Variants in ELP3 observed in about 807,000 individuals in gnomAD.
ELP3 encodes the protein elongator acetyltransferase complex subunit 3.
ELP3 carries 56 observed loss-of-function variants against 74.9 expected under a neutral mutation model. That is an observed-to-expected ratio of 0.75 (90% CI 0.60 to 0.93). The LOEUF is 0.93. Among genes scored for constraint, ELP3 ranks in the 40% least tolerant of loss-of-function variants. ELP3 has a pLI of 0.00. For synonymous variants in ELP3, 222 were observed against 239.8 expected, an observed-to-expected ratio of 0.93 and a Z score of 0.68; for missense variants, 573 against 686.5, an observed-to-expected ratio of 0.83 and a Z score of 1.85.
At chr8:28,183,645 G>T (rs111540692) in intron 14 of ELP3, among the ~76,000 whole-genome samples, 10,922 of 152,096 alleles carry the variant, frequency 0.072, 782 homozygotes, top group East Asian at 0.32. Flanking sequence ...GGCTGGTCTC[G>T]AACTCCTGAG....
chr8:28,132,674 A>G (rs993790017), intron 9 of ELP3, among the ~76,000 whole-genome samples: 2 of 152,228 alleles, frequency 1.3e-5, no homozygotes, highest in African/African-American at 4.8e-5. Flanking sequence ...ACAGACATAC[A>G]AATATATATG....
intron 1 of ELP3, chr8:28,093,522 G>T: frequency 2.0e-6 from 1 of 501,478 alleles, no homozygotes; most frequent in Middle Eastern, 5.4e-4. Flanking sequence ...AGTTAACGTC[G>T]ATTTAACGGG....
chr8:28,139,586 C>A (rs1813141940), intron 10 of ELP3, among the ~76,000 whole-genome samples: 1 of 151,826 alleles, frequency 6.6e-6, no homozygotes, highest in South Asian at 2.1e-4. Context: ...TTTTTCTTGT[C>A]ATTACTCCCT....
intron 10 of ELP3, among the ~76,000 whole-genome samples, chr8:28,138,437 TTA>T (rs1813083227): frequency 6.6e-6 from 1 of 152,218 alleles, no homozygotes. Flanking sequence ...ATCTACCTAT[TTA>T]TACTTACATA....
intron 3 of ELP3, among the ~76,000 whole-genome samples, chr8:28,102,540 A>G (rs1323924307): frequency 6.6e-6 from 1 of 152,120 alleles, no homozygotes; most frequent in East Asian, 1.9e-4. Context: ...GCCATTCCCT[A>G]TCTACTGCCA....
chr8:28,183,505 C>A (rs1815103343), intron 14 of ELP3, among the ~76,000 whole-genome samples: 1 of 152,140 alleles, frequency 6.6e-6, no homozygotes, highest in Non-Finnish European at 1.5e-5. Flanking sequence ...CTCACTGCAA[C>A]CTCTGCCTCC....
intron 3 of ELP3, among the ~76,000 whole-genome samples, chr8:28,101,810 G>A (rs762687228): frequency 1.4e-4 from 21 of 152,042 alleles, no homozygotes; most frequent in Non-Finnish European, 2.4e-4. Flanking sequence ...GGCTGGTCTC[G>A]AACTCTTGAC....
chr8:28,160,381 C>T lies in ELP3; in HGVS notation c.1410C>T (p.Ser470=). 1 of 1,614,122 alleles carries T rather than the reference C, an allele frequency of 6.2e-7. No homozygotes were observed. Among genetic ancestry groups the T allele is most frequent in the Non-Finnish European group, 8.5e-7 (1 of 1,180,016 alleles). Residue 470 remains serine (S), a synonymous_variant, in exon 13 of 15, where the codon TCC becomes TCT. Coordinates refer to ENST00000256398, the MANE Select transcript of ELP3 (RefSeq NM_018091.6). ...TFRFELGGGV[S]IVRELHVYGS... is the part of the protein sequence containing the mutation. Reference sequence around the variant, plus strand: ...GTTTCGAATTGGGTGGAGGTGTCTCCATAGTACGAGAGCTGCATGTGTATG... The same window carrying T: ...GTTTCGAATTGGGTGGAGGTGTCTCTATAGTACGAGAGCTGCATGTGTATG...
At chr8:28,152,732 G>A (rs1813689713) in intron 10 of ELP3, among the ~76,000 whole-genome samples, 1 of 152,184 alleles carries the variant, frequency 6.6e-6, no homozygotes, top group Non-Finnish European at 1.5e-5. Flanking sequence ...CTTGAACCTG[G>A]GAGGCGAAGG....
intron 10 of ELP3, among the ~76,000 whole-genome samples, chr8:28,153,742 C>T (rs536094598): frequency 7.9e-5 from 12 of 152,292 alleles, no homozygotes; most frequent in African/African-American, 2.4e-4. Context: ...ACAAAGGAGA[C>T]TCTTAAAAAC....
intron 10 of ELP3, among the ~76,000 whole-genome samples, chr8:28,145,546 G>A (rs1813398837): frequency 6.6e-6 from 1 of 152,174 alleles, no homozygotes; most frequent in Non-Finnish European, 1.5e-5. Flanking sequence ...TCACCTAGTG[G>A]CAGCTTCCAC....
At chr8:28,132,178 C>G in intron 8 of ELP3, 100 bp from the exon 9 acceptor site, 1 of 1,282,252 alleles carries the variant, frequency 7.8e-7, no homozygotes, top group East Asian at 2.4e-5. Flanking sequence ...AGATTGTTTT[C>G]CCCTTGTTCC....
At chr8:28,162,954 G>A (rs1008030282) in intron 14 of ELP3, among the ~76,000 whole-genome samples, 7 of 152,194 alleles carry the variant, frequency 4.6e-5, no homozygotes, top group Non-Finnish European at 8.8e-5. Flanking sequence ...GAAGGAAGGG[G>A]AAGGTCTAAG....
Position 28,137,840 on chromosome 8 carries a change from C to A in ELP3, c.1049C>A (p.Ala350Asp). Reference sequence around the variant, plus strand: ...CCTAGTGACCTGGTTGAATTGGTGGCTCGGATCCTAGCCCTCGTGCCTCCA... The same window carrying A: ...CCTAGTGACCTGGTTGAATTGGTGGATCGGATCCTAGCCCTCGTGCCTCCA... Reference protein sequence around the residue: ...YSPSDLVELVARILALVPPWT... With the variant: ...YSPSDLVELVDRILALVPPWT... Residue 350 changes from alanine (A) to aspartate (D), a missense_variant, in exon 10 of 15, where the codon GCT (alanine) becomes GAT (aspartate). Ala to Asp is a moderately radical substitution (Grantham distance 126). Transcript: ENST00000256398. 6.2e-7 allele frequency: 1 copy of A among 1,613,868 alleles called. No individual in the cohort carries two copies. The highest frequency in any genetic ancestry group is 8.5e-7 in the Non-Finnish European group (1 of 1,179,948).
At chr8:28,163,946 G>T (rs1178573469) in intron 14 of ELP3, among the ~76,000 whole-genome samples, 1 of 152,144 alleles carries the variant, frequency 6.6e-6, no homozygotes, top group Non-Finnish European at 1.5e-5. Flanking sequence ...CACAAGGAAG[G>T]CTTTAGTATT....
At chr8:28,107,705 G>T (rs1034158891) in intron 4 of ELP3, among the ~76,000 whole-genome samples, 1 of 152,214 alleles carries the variant, frequency 6.6e-6, no homozygotes, top group African/African-American at 2.4e-5. Context: ...GAAAATGGGT[G>T]TAATAATGTC....
intron 11 of ELP3, among the ~76,000 whole-genome samples, chr8:28,157,632 A>G (rs1813883337): frequency 6.6e-6 from 1 of 152,222 alleles, no homozygotes; most frequent in African/African-American, 2.4e-5. Flanking sequence ...AGAAAAGCTT[A>G]TGTGACATCA....
At chr8:28,090,358 C>T, upstream of ELP3, 4 of 381,330 alleles carry the variant, frequency 1.0e-5, no homozygotes, top group East Asian at 3.2e-4. Context: ...AACTCTGGAG[C>T]CCAGGATGTT....
At chr8:28,105,792 T>C (rs1811664903) in intron 3 of ELP3, among the ~76,000 whole-genome samples, 1 of 152,222 alleles carries the variant, frequency 6.6e-6, no homozygotes, top group Non-Finnish European at 1.5e-5. Context: ...CCTGGCTTGC[T>C]TTCACTTTTG....
Sources: gnomAD v4.1 joint callset for allele counts (sites outside exome capture counted in the v4.1 genomes callset) on GRCh38, gnomAD v4.1.1 for gene constraint, MANE v1.5 for transcripts, NCBI Gene and HGNC (gene_info 2026-07-23, HGNC 2026-07-21) for gene names.